The following CSMD1 variants were observed in gnomAD, a reference collection of about 807,000 sequenced individuals.
CSMD1 encodes the protein CUB and sushi domain-containing protein 1.
In CSMD1, 213 loss-of-function variants were observed where a neutral mutation model predicts 417.5. The ratio of observed to expected loss-of-function variants is 0.51; its 90% CI spans 0.46 to 0.57. CSMD1 has a LOEUF of 0.57. Ranked by LOEUF, CSMD1 falls within the 20% of genes least tolerant of loss-of-function variation. The pLI is 0.00. For missense variants in CSMD1, 6,923 were observed against 4,529.7 expected, an observed-to-expected ratio of 1.53 and a Z score of -15.17; for synonymous variants, 2,862 against 1,736.8, an observed-to-expected ratio of 1.65 and a Z score of -16.11.
chr8:3,777,469 T>C (rs1392923230), intron 5 of CSMD1, among the ~76,000 whole-genome samples: 2 of 152,178 alleles, frequency 1.3e-5, no homozygotes, highest in Non-Finnish European at 2.9e-5. Flanking sequence ...CTCATTCTGG[T>C]GTCCTGCTAC....
intron 10 of CSMD1, among the ~76,000 whole-genome samples, chr8:3,529,563 C>T (rs1472127433): frequency 6.6e-6 from 1 of 152,270 alleles, no homozygotes; most frequent in South Asian, 2.1e-4. Context: ...CAAGACCACA[C>T]AATGGAAGAG....
rs11783178 is a variant in CSMD1, at chr8:3,321,798, C to G, written c.3632-13295G>C. Among the ~76,000 whole-genome samples the G allele has an allele frequency of 4.1e-3, 631 of 152,144 alleles. 2 individuals carry two copies. The highest frequency in any genetic ancestry group is 5.7e-3 in the Non-Finnish European group (390 of 68,004). On this transcript the variant is annotated intron_variant, in intron 23 of 69. Coordinates refer to ENST00000635120, the MANE Select transcript of CSMD1 (RefSeq NM_033225.6). ...TATTTTCTAAATAAAAATAAGTGAG[C>G]TGATTTTCAAAATCGTGAAAATAAA...
At chr8:3,628,852 A>G (rs13281285) in intron 7 of CSMD1, among the ~76,000 whole-genome samples, 27,836 of 146,696 alleles carry the variant, frequency 0.19, 2,736 homozygotes, top group Admixed American at 0.23. Context: ...TGGTTCTAGT[A>G]ACCCAAATAA....
Position 4,020,689 on chromosome 8 carries a change from A to C in CSMD1, c.610+11216T>G, listed in dbSNP as rs559261129. On this transcript the variant is annotated intron_variant, in intron 4 of 69. Transcript: ENST00000635120. Reference sequence around the variant, plus strand: ...CAGATAACAAAGCTGTTTTCATTTTACTCCCTCAGCGAATCCGCGTGTTCC... The same window carrying C: ...CAGATAACAAAGCTGTTTTCATTTTCCTCCCTCAGCGAATCCGCGTGTTCC... 5.6e-4 allele frequency among the ~76,000 whole-genome samples: 85 copies of C among 152,196 alleles called. No homozygotes were observed. In the South Asian group the frequency reaches 0.017, roughly 30 times the overall value.
At chr8:4,605,612 C>T (rs1317440246) in intron 2 of CSMD1, among the ~76,000 whole-genome samples, 1 of 152,206 alleles carries the variant, frequency 6.6e-6, no homozygotes, top group Non-Finnish European at 1.5e-5. Context: ...TAAAATCTAA[C>T]CATGACCTTT....
chr8:3,680,833 A>G (rs1336452099), intron 7 of CSMD1, among the ~76,000 whole-genome samples: 1 of 152,202 alleles, frequency 6.6e-6, no homozygotes, highest in East Asian at 1.9e-4. Context: ...CAAAAAGCTT[A>G]TCCACCATGA....
chr8:4,261,407 G>C (rs1048232911), intron 3 of CSMD1, among the ~76,000 whole-genome samples: 2 of 152,146 alleles, frequency 1.3e-5, no homozygotes, highest in Admixed American at 1.3e-4. Flanking sequence ...CCAGGGGCTG[G>C]GGAGAGGGGA....
chr8:3,154,032 T>A (rs1368768829), intron 39 of CSMD1, among the ~76,000 whole-genome samples: 1 of 152,182 alleles, frequency 6.6e-6, no homozygotes, highest in Non-Finnish European at 1.5e-5. Context: ...AGTGGTGCAA[T>A]CTCAGCTCAC....
intron 2 of CSMD1, among the ~76,000 whole-genome samples, chr8:4,573,430 C>A (rs1360428900): frequency 1.3e-5 from 2 of 152,144 alleles, no homozygotes; most frequent in African/African-American, 4.8e-5. Context: ...GACCCTCTTT[C>A]CTGGGGTGTC....
At chr8:3,139,764 G>A (rs1308243122) in intron 41 of CSMD1, among the ~76,000 whole-genome samples, 3 of 151,946 alleles carry the variant, frequency 2.0e-5, no homozygotes, top group African/African-American at 7.3e-5. Flanking sequence ...ATGCTATTGG[G>A]GAAAATTTCA....
chr8:4,085,093 GA>G (rs1237960681), intron 3 of CSMD1, among the ~76,000 whole-genome samples: 3 of 152,086 alleles, frequency 2.0e-5, no homozygotes, highest in Admixed American at 6.5e-5. Context: ...ATAAATCAGG[GA>G]ATATTGGTCC....
chr8:4,043,523 C>G (rs961207413), intron 3 of CSMD1, among the ~76,000 whole-genome samples: 15 of 152,070 alleles, frequency 9.9e-5, no homozygotes, highest in African/African-American at 3.4e-4. Flanking sequence ...AAATAGATAA[C>G]AGTAAAATAA....
At chr8:4,078,444 A>G (rs1799946382) in intron 3 of CSMD1, among the ~76,000 whole-genome samples, 1 of 150,798 alleles carries the variant, frequency 6.6e-6, no homozygotes, top group South Asian at 2.1e-4. Flanking sequence ...CCTCTTGAAT[A>G]GCTGGGACTA....
chr8:4,104,843 T>C (rs1801487460), intron 3 of CSMD1, among the ~76,000 whole-genome samples: 1 of 152,248 alleles, frequency 6.6e-6, no homozygotes, highest in Non-Finnish European at 1.5e-5. Context: ...TCAAAGCCTC[T>C]GAGTGCTTAG....
chr8:4,617,144 G>C (rs1302341204), intron 2 of CSMD1, among the ~76,000 whole-genome samples: 1 of 152,008 alleles, frequency 6.6e-6, no homozygotes, highest in Non-Finnish European at 1.5e-5. Flanking sequence ...ACTAAGACAA[G>C]ATGTATTTCT....
chr8:4,434,817 C>G (rs753526128), intron 2 of CSMD1, among the ~76,000 whole-genome samples: 1 of 152,158 alleles, frequency 6.6e-6, no homozygotes, highest in African/African-American at 2.4e-5. Flanking sequence ...CCCTACTTCA[C>G]CAGGGCTCAA....
At chr8:4,824,928 G>C (rs530078788) in intron 1 of CSMD1, among the ~76,000 whole-genome samples, 2 of 152,070 alleles carry the variant, frequency 1.3e-5, no homozygotes, top group Non-Finnish European at 2.9e-5. Context: ...CTAACGTAAA[G>C]CCAAGACATT....
At chr8:3,979,800 G>C (rs1585069968) in intron 5 of CSMD1, among the ~76,000 whole-genome samples, 1 of 152,178 alleles carries the variant, frequency 6.6e-6, no homozygotes, top group South Asian at 2.1e-4. Flanking sequence ...GTGGTATCTT[G>C]TTATGACAAT....
At chr8:3,978,263 A>C (rs897966979) in intron 5 of CSMD1, among the ~76,000 whole-genome samples, 5 of 152,174 alleles carry the variant, frequency 3.3e-5, no homozygotes, top group African/African-American at 1.2e-4. Flanking sequence ...GTGACCTGAC[A>C]TGGGAGCCTC....
Sources: allele counts gnomAD v4.1 joint callset (sites outside exome capture counted in the v4.1 genomes callset), GRCh38; gene constraint gnomAD v4.1.1; transcripts MANE v1.5; gene names NCBI Gene and HGNC (gene_info 2026-07-23, HGNC 2026-07-21).